The following TBXT variants were observed in gnomAD, a reference collection of about 807,000 sequenced individuals.
TBXT encodes the protein T-box transcription factor T.
TBXT carries 19 observed loss-of-function variants against 41.1 expected under a neutral mutation model. The observed-to-expected ratio is 0.46, with a 90% confidence interval of 0.32 to 0.68. TBXT has a LOEUF of 0.68. Among genes scored for constraint, TBXT ranks in the 30% least tolerant of loss-of-function variants. The pLI is 0.03. For synonymous variants in TBXT, 213 were observed against 238.9 expected (o/e 0.89, Z 1.00); for missense variants, 536 against 582.0 (o/e 0.92, Z 0.81).
chr6:166,164,555 G>T, intron 5 of TBXT, 50 bp downstream of exon 5: 1 of 1,604,518 alleles, frequency 6.2e-7, no homozygotes, highest in Non-Finnish European at 8.5e-7. Context: ...CTCTCAGCAA[G>T]TCTAGTCCCG....
Position 166,166,875 on chromosome 6 carries a change from G to A in TBXT, c.207-19C>T. Reference sequence around the variant, plus strand: ...CATCCTCCTGGAAAACACGGGGCGGGCGCAGGAGGACCCCGACACTGACCA... The same window carrying A: ...CATCCTCCTGGAAAACACGGGGCGGACGCAGGAGGACCCCGACACTGACCA... On this transcript the variant is annotated intron_variant, in intron 1 of 7. Coordinates refer to ENST00000366876, the MANE Select transcript of TBXT (RefSeq NM_001366285.2). The A allele has an allele frequency of 3.1e-6, 5 of 1,613,228 alleles. No individual in the cohort carries two copies. In the South Asian group the frequency reaches 4.4e-5, roughly 14 times the overall value.
intron 7 of TBXT, among the ~76,000 whole-genome samples, chr6:166,158,973 G>A (rs911337379): frequency 3.9e-5 from 6 of 152,202 alleles, no homozygotes; most frequent in African/African-American, 1.4e-4. Context: ...AGGAGTTCAA[G>A]GCCAGCCTGA....
upstream of TBXT, chr6:166,168,021 G>C: frequency 8.2e-6 from 2 of 243,886 alleles, no homozygotes; most frequent in Non-Finnish European, 1.6e-5. Context: ...GCCAACAATG[G>C]GCTCCCGCAC....
At chr6:166,164,708 A>T in intron 4 of TBXT, 42 bp from the exon 5 acceptor site, 1 of 1,612,582 alleles carries the variant, frequency 6.2e-7, no homozygotes, top group Non-Finnish European at 8.5e-7. Context: ...ATTTTCAAAA[A>T]TAAGGAAATT....
In TBXT at chr6:166,165,847, G is replaced by C; in HGVS notation, c.472-7C>G. The stretch of plus-strand genomic sequence containing the variant: ...GCAAGGAGTTCAGCATGATCTGAGG[G>C]AGACAGATACAGGATTGGTGGCACT... On this transcript the variant is annotated splice_region_variant and splice_polypyrimidine_tract_variant and intron_variant, in intron 2 of 7. Coordinates refer to ENST00000366876, the MANE Select transcript of TBXT (RefSeq NM_001366285.2). 6.2e-7 allele frequency: 1 copy of C among 1,614,140 alleles called. No individual in the cohort carries two copies. The highest frequency in any genetic ancestry group is 1.1e-5 in the South Asian group (1 of 91,072).
chr6:166,161,997 C>A (rs1182278036), intron 6 of TBXT, among the ~76,000 whole-genome samples: 3 of 152,182 alleles, frequency 2.0e-5, no homozygotes, highest in Non-Finnish European at 2.9e-5. Flanking sequence ...GAGACTGTGC[C>A]CACTCTCGGG....
At chr6:166,164,374 C>G (rs2305087) in intron 5 of TBXT, among the ~76,000 whole-genome samples, 2 of 152,220 alleles carry the variant, frequency 1.3e-5, no homozygotes, top group South Asian at 4.1e-4. Context: ...AGCTGCCTCA[C>G]GGCAAAACAA....
At chr6:166,165,569 C>T in intron 3 of TBXT, 137 bp downstream of exon 3, 1 of 1,365,126 alleles carries the variant, frequency 7.3e-7, no homozygotes, top group Non-Finnish European at 1.0e-6. Flanking sequence ...TTTCAAGTTC[C>T]GGAATATTAT....
In TBXT at chr6:166,167,417, T is replaced by C. The variant is rs1779155476; in HGVS notation, c.175A>G (p.Thr59Ala). The C allele has an allele frequency of 6.2e-7, 1 of 1,612,964 alleles. No homozygotes were observed. The highest frequency in any genetic ancestry group is 8.5e-7 in the Non-Finnish European group (1 of 1,179,830). The change falls in exon 1 of 8, where the codon ACC (threonine) becomes GCC (alanine). Residue 59 changes from threonine to alanine, a missense_variant. Physicochemically the swap from Thr to Ala is moderately conservative, Grantham distance 58. Transcript: ENST00000366876. ...SELWLRFKEL[T>A]NEMIVTKNGR... Reference sequence around the variant, plus strand: ...TTCTTGGTCACGATCATCTCATTGGTGAGCTCCTTGAAGCGCAGCCACAGC... The same window carrying C: ...TTCTTGGTCACGATCATCTCATTGGCGAGCTCCTTGAAGCGCAGCCACAGC...
rs1582962794 is a variant in TBXT, at chr6:166,158,078, T to C, written c.*237A>G. The C allele has an allele frequency of 3.2e-6, 2 of 634,106 alleles. No individual in the cohort carries two copies. Among genetic ancestry groups the C allele is most frequent in the Non-Finnish European group, 5.5e-6 (2 of 363,322 alleles). The allele number at this position is 634,106 out of a possible 1,614,324, so 39.3% of individuals were successfully genotyped here. A position where few individuals can be genotyped will look rare whatever the true frequency, so the allele number is the denominator to read the frequency against. ...TGGGCCAACTGCATCATCTCCACAG[T>C]TGGGTTCATCTGTAAGCCACCTGGG... On this transcript the variant is annotated 3_prime_UTR_variant, in exon 8 of 8. Transcript: ENST00000366876.
chr6:166,158,031 AT>A lies in TBXT; in HGVS notation c.*283del. ...AAAAAGTTTCTGGACCCTGGCAAAC[AT>A]TTTTTCACCGTCAGTGAGGTTGGGC... is the stretch of plus-strand genomic sequence containing the variant. On this transcript the variant is annotated 3_prime_UTR_variant, in exon 8 of 8. Transcript: ENST00000366876. 2 of 565,858 alleles carry A rather than the reference AT, an allele frequency of 3.5e-6. No individual in the cohort carries two copies. The highest frequency in any genetic ancestry group is 1.9e-5 in the African/African-American group (1 of 53,402). The allele number at this position is 565,858 out of a possible 1,614,324, so 35.1% of individuals were successfully genotyped here.
rs1779152653 is a variant in TBXT at position 166,167,359 on chromosome 6, G to T, written c.206+27C>A. 13 of 1,610,950 alleles carry T rather than the reference G, an allele frequency of 8.1e-6. No individual in the cohort carries two copies. The East Asian group carries it at 2.7e-4, about 33-fold the overall frequency. On this transcript the variant is annotated intron_variant, in intron 1 of 7. Coordinates refer to ENST00000366876, the MANE Select transcript of TBXT (RefSeq NM_001366285.2). ...CTGCCCAGGCGCTGGAGAGCGCGGC[G>T]CGCGCGGGCTCCGGACGCGCACCCA...
At chr6:166,164,359 G>A (rs1221434849) in intron 5 of TBXT, among the ~76,000 whole-genome samples, 2 of 152,228 alleles carry the variant, frequency 1.3e-5, no homozygotes, top group Non-Finnish European at 2.9e-5. Context: ...CCCAGGCATG[G>A]TGGCAGCTGC....
chr6:166,161,615 G>T (rs867570843), intron 6 of TBXT, among the ~76,000 whole-genome samples: 13 of 152,222 alleles, frequency 8.5e-5, no homozygotes, highest in Admixed American at 7.8e-4. Context: ...CATCGGAATG[G>T]CCTGGAAGGC....
At chr6:166,164,695 C>T in intron 4 of TBXT, 29 bp from the exon 5 acceptor site, 5 of 1,612,590 alleles carry the variant, frequency 3.1e-6, no homozygotes, top group Non-Finnish European at 4.2e-6. Flanking sequence ...AAAAGTATAT[C>T]GAATTTTCAA....
intron 5 of TBXT, 89 bp downstream of exon 5, chr6:166,164,515 AC>A: frequency 1.3e-6 from 2 of 1,486,452 alleles, no homozygotes; most frequent in East Asian, 4.5e-5. Context: ...ACCCAGAAAC[AC>A]CCTTGTCTTC....
intron 7 of TBXT, among the ~76,000 whole-genome samples, chr6:166,158,808 A>G (rs948902030): frequency 6.6e-6 from 1 of 152,284 alleles, no homozygotes; most frequent in East Asian, 1.9e-4. Flanking sequence ...CAAAATCATC[A>G]GGAAGATGAC....
chr6:166,167,092 G>C (rs1411884226), intron 1 of TBXT, among the ~76,000 whole-genome samples: 1 of 152,228 alleles, frequency 6.6e-6, no homozygotes, highest in Admixed American at 6.5e-5. Flanking sequence ...GGGTTTCAGT[G>C]CAGGAGGCCA....
Position 166,167,780 on chromosome 6 carries a change from G to A in TBXT, c.-189C>T. The stretch of plus-strand genomic sequence containing the variant: ...GGCGCGGACCAAGACTTGGGGGGAG[G>A]GGACGGGGGCAGAGGGGTGGGGAGA... On this transcript the variant is annotated 5_prime_UTR_variant, in exon 1 of 8. Transcript: ENST00000366876. 1 of 674,304 alleles carries A rather than the reference G, an allele frequency of 1.5e-6. No individual in the cohort carries two copies. The highest frequency in any genetic ancestry group is 2.5e-6 in the Non-Finnish European group (1 of 396,398). 41.8% of individuals were successfully genotyped at this position (674,304 alleles called of 1,614,324 possible). A position where few individuals can be genotyped will look rare whatever the true frequency, so the allele number is the denominator to read the frequency against.
Sources: gnomAD v4.1 joint callset for allele counts (sites outside exome capture counted in the v4.1 genomes callset) on GRCh38, gnomAD v4.1.1 for gene constraint, MANE v1.5 for transcripts, NCBI Gene and HGNC (gene_info 2026-07-23, HGNC 2026-07-21) for gene names.